Variants in NAA11 observed in about 807,000 individuals in gnomAD.
The protein encoded by NAA11 is N-alpha-acetyltransferase 11.
Under a neutral mutation model 16.1 loss-of-function variants are expected in NAA11, and 15 were observed. That is an observed-to-expected ratio of 0.93 (90% CI 0.62 to 1.44). The LOEUF (loss-of-function observed/expected upper bound fraction) is 1.44, where lower values mean the gene tolerates loss of function less well. Among genes scored for constraint, NAA11 ranks in the 40% most tolerant of loss-of-function variants. The probability of loss-of-function intolerance (pLI) is 0.00; values close to 1 mark genes in which losing one functional copy is unlikely to be tolerated. For synonymous variants in NAA11, 122 were observed against 112.4 expected, an observed-to-expected ratio of 1.09 and a Z score of -0.54; for missense variants, 298 against 291.3, an observed-to-expected ratio of 1.02 and a Z score of -0.17.
At chr4:79,277,857 G>A (rs943504912) in intron 2 of NAA11, among the ~76,000 whole-genome samples, 5 of 151,854 alleles carry the variant, frequency 3.3e-5, no homozygotes, top group African/African-American at 9.7e-5. Context: ...TTGTCCAAGT[G>A]TGCGCTCACC....
chr4:79,213,386 C>T, the NAA11 span, among the ~76,000 whole-genome samples: 3 of 151,824 alleles, frequency 2.0e-5, no homozygotes, highest in Admixed American at 2.0e-4. Flanking sequence ...TAATCAGAGC[C>T]ATGGTTTGAG....
intron 2 of NAA11, among the ~76,000 whole-genome samples, chr4:79,266,407 A>G (rs1278395191): frequency 6.6e-6 from 1 of 152,186 alleles, no homozygotes; most frequent in African/African-American, 2.4e-5. Context: ...TAGGAATAAA[A>G]AACAAATACT....
chr4:79,298,406 A>G (rs551124356), intron 1 of NAA11, among the ~76,000 whole-genome samples: 1 of 152,218 alleles, frequency 6.6e-6, no homozygotes, highest in South Asian at 2.1e-4. Flanking sequence ...TGGGGATCCC[A>G]GACCTAGGAG....
chr4:79,199,729 T>C, the NAA11 span, among the ~76,000 whole-genome samples: 1 of 151,878 alleles, frequency 6.6e-6, no homozygotes, highest in African/African-American at 2.4e-5. Flanking sequence ...TTGTTATAAT[T>C]AGAGTTGATG....
intron 2 of NAA11, among the ~76,000 whole-genome samples, chr4:79,288,547 T>G (rs963210348): frequency 6.6e-6 from 1 of 152,206 alleles, no homozygotes; most frequent in Admixed American, 6.5e-5. Flanking sequence ...TCTGTTAGTA[T>G]GCTTGTGTAT....
rs556430636 is a variant in NAA11, at chr4:79,242,084, C to T, written c.*123-15814G>A. Among the ~76,000 whole-genome samples the T allele has an allele frequency of 3.9e-5, 6 of 152,280 alleles. No individual in the cohort carries two copies. In the South Asian group the frequency reaches 8.3e-4, roughly 21 times the overall value. Reference sequence around the variant, plus strand: ...CTCATGCTTGTTTGCCAGTGACACACGTGAGAGGCATCTAGTAGTACTCAT... The same window carrying T: ...CTCATGCTTGTTTGCCAGTGACACATGTGAGAGGCATCTAGTAGTACTCAT... On this transcript the variant is annotated intron_variant and NMD_transcript_variant, in intron 2 of 2. Coordinates refer to the NAA11 transcript ENST00000511542.
intron 2 of NAA11, among the ~76,000 whole-genome samples, chr4:79,239,515 C>T (rs945209262): frequency 1.4e-4 from 21 of 152,118 alleles, no homozygotes; most frequent in Middle Eastern, 3.4e-3. Context: ...AGCCGGCCAA[C>T]GTGGCAAAAG....
At chr4:79,200,649 A>G in the NAA11 span, among the ~76,000 whole-genome samples, 7 of 151,796 alleles carry the variant, frequency 4.6e-5, no homozygotes, top group African/African-American at 9.7e-5. Flanking sequence ...GGGAAATTCA[A>G]TTAGAGACCC....
intron 2 of NAA11, among the ~76,000 whole-genome samples, chr4:79,246,486 T>A (rs1721837879): frequency 6.6e-6 from 1 of 152,010 alleles, no homozygotes; most frequent in Non-Finnish European, 1.5e-5. Context: ...ATTAAGTATT[T>A]AAGCTAAATG....
chr4:79,214,468 A>G, the NAA11 span, among the ~76,000 whole-genome samples: 1 of 152,068 alleles, frequency 6.6e-6, no homozygotes, highest in Non-Finnish European at 1.5e-5. Flanking sequence ...TCATGACTAG[A>G]TTAATGCCAT....
chr4:79,177,375 G>C, the NAA11 span, among the ~76,000 whole-genome samples: 1 of 142,936 alleles, frequency 7.0e-6, no homozygotes, highest in African/African-American at 2.6e-5. Flanking sequence ...GTTAATCTGA[G>C]TGCAGAACCC....
chr4:79,272,875 T>C (rs539869036), intron 2 of NAA11, among the ~76,000 whole-genome samples: 2 of 152,040 alleles, frequency 1.3e-5, no homozygotes, highest in East Asian at 1.9e-4. Context: ...GTTGGAATGG[T>C]TGGCATTCTT....
the NAA11 span, among the ~76,000 whole-genome samples, chr4:79,159,097 T>A: frequency 2.6e-5 from 4 of 152,090 alleles, no homozygotes; most frequent in Non-Finnish European, 5.9e-5. Context: ...TACACTTAAT[T>A]AAACTAAAGA....
the NAA11 span, among the ~76,000 whole-genome samples, chr4:79,177,329 G>A: frequency 6.6e-6 from 1 of 151,352 alleles, no homozygotes; most frequent in South Asian, 2.1e-4. Context: ...TGTCTCCCCT[G>A]TTAACTTCTG....
the NAA11 span, among the ~76,000 whole-genome samples, chr4:79,198,761 AAT>A: frequency 1.3e-5 from 2 of 151,942 alleles, no homozygotes; most frequent in African/African-American, 4.8e-5. Context: ...CGGTCTTGGG[AAT>A]ACTTAAGAGC....
the NAA11 span, among the ~76,000 whole-genome samples, chr4:79,218,511 A>G: frequency 3.9e-5 from 6 of 152,108 alleles, no homozygotes; most frequent in African/African-American, 1.2e-4. Flanking sequence ...AACCTAATAA[A>G]ACCAAGAGTT....
chr4:79,162,486 A>G, the NAA11 span, among the ~76,000 whole-genome samples: 1 of 152,344 alleles, frequency 6.6e-6, no homozygotes, highest in South Asian at 2.1e-4. Flanking sequence ...ATTAGTGAGT[A>G]CTAAAGAGGA....
downstream of NAA11, among the ~76,000 whole-genome samples, chr4:79,314,025 T>C: frequency 1.3e-5 from 2 of 152,204 alleles, 1 homozygote; most frequent in Non-Finnish European, 2.9e-5. Flanking sequence ...ATTGCCAAGT[T>C]GTAGCTATTG....
chr4:79,182,004 C>T, the NAA11 span, among the ~76,000 whole-genome samples: 6 of 152,128 alleles, frequency 3.9e-5, no homozygotes, highest in African/African-American at 1.2e-4. Context: ...TAAATAAATT[C>T]TACAAGCTAG....
Sources: allele counts gnomAD v4.1 joint callset (sites outside exome capture counted in the v4.1 genomes callset), GRCh38; gene constraint gnomAD v4.1.1; transcripts MANE v1.5; gene names NCBI Gene and HGNC (gene_info 2026-07-23, HGNC 2026-07-21).